Variants in MOCS1 observed in about 807,000 individuals in gnomAD.
MOCS1 encodes molybdenum cofactor biosynthesis protein 1.
Under a neutral mutation model 57.6 loss-of-function variants are expected in MOCS1, and 39 were observed. The observed-to-expected ratio is 0.68, with a 90% confidence interval of 0.52 to 0.88. MOCS1 has a LOEUF of 0.88. Ranked by LOEUF, MOCS1 falls within the 40% of genes least tolerant of loss-of-function variation. The pLI is 0.00. For missense variants in MOCS1, 795 were observed against 831.1 expected (o/e 0.96, Z 0.53); for synonymous variants, 334 against 335.7 (o/e 1.00, Z 0.05).
chr6:39,904,486 A>ATAAG lies in MOCS1; in HGVS notation c.*1867_*1870dup, dbSNP rs1554187208. ...TCCCCACTGCTCCTGCCACCTTTAG[A>ATAAG]TAAGTTTCTCTAGCTAATTTTGTGG... On this transcript the variant is annotated 3_prime_UTR_variant, in exon 11 of 11. Transcript: ENST00000340692. 2.2e-5 allele frequency: 10 copies of ATAAG among 454,486 alleles called. No individual in the cohort carries two copies. The highest frequency in any genetic ancestry group is 7.0e-5 in the Admixed American group (3 of 42,578). 28.2% of individuals were successfully genotyped at this position (454,486 alleles called of 1,614,324 possible). A position where few individuals can be genotyped will look rare whatever the true frequency, so the allele number is the denominator to read the frequency against.
intron 1 of MOCS1, among the ~76,000 whole-genome samples, chr6:39,928,067 A>C (rs2149422889): frequency 1.3e-5 from 2 of 151,878 alleles, no homozygotes; most frequent in Admixed American, 1.3e-4. Flanking sequence ...TCATTCCCAC[A>C]CCCACTCCAC....
chr6:39,906,627 G>T lies in MOCS1; in HGVS notation c.1641C>A (p.Thr547=). ...GGTGGCACAGAGGGATCAGCTGGCTGGTCACCTTGGCTGCCTGGACTCCAG... is the reference window on the plus strand; with the variant it reads ...GGTGGCACAGAGGGATCAGCTGGCTTGTCACCTTGGCTGCCTGGACTCCAG... The part of the protein sequence containing the change: ...QLAGVQAAKV[T]SQLIPLCHHV... Residue 547 remains threonine (T), a synonymous_variant, in exon 11 of 11, where the codon ACC becomes ACA. Coordinates refer to ENST00000340692, the MANE Select transcript of MOCS1 (RefSeq NM_001358530.2). 1 of 1,613,886 alleles carries T rather than the reference G, an allele frequency of 6.2e-7. No homozygotes were observed. Among genetic ancestry groups the T allele is most frequent in the Non-Finnish European group, 8.5e-7 (1 of 1,180,040 alleles).
At chr6:39,927,835 G>C (rs1490905120) in intron 1 of MOCS1, 1 of 1,104,646 alleles carries the variant, frequency 9.1e-7, no homozygotes, top group Admixed American at 3.2e-5. Flanking sequence ...AGAAGAGACT[G>C]CTGAAGGCCA....
chr6:39,927,049 A>G (rs1370180036), intron 2 of MOCS1: 2 of 397,262 alleles, frequency 5.0e-6, no homozygotes, highest in Non-Finnish European at 9.4e-6. Context: ...GGACCCCTGA[A>G]GAATGAGAGG....
At chr6:39,912,123 C>T in intron 8 of MOCS1, 141 bp downstream of exon 8, 1 of 721,344 alleles carries the variant, frequency 1.4e-6, no homozygotes, top group Non-Finnish European at 2.5e-6. Context: ...CCATCATGCC[C>T]CCAAACCTGA....
At chr6:39,908,617 C>T (rs1767101292) in intron 10 of MOCS1, among the ~76,000 whole-genome samples, 2 of 152,180 alleles carry the variant, frequency 1.3e-5, no homozygotes, top group South Asian at 2.1e-4. Context: ...AGACGTCTGG[C>T]CACACATCCA....
intron 4 of MOCS1, among the ~76,000 whole-genome samples, 170 bp downstream of exon 4, chr6:39,915,898 T>C (rs549090348): frequency 1.3e-5 from 2 of 152,164 alleles, no homozygotes; most frequent in Admixed American, 1.3e-4. Context: ...ACCCCCAAAG[T>C]CCCTGACATA....
At chr6:39,909,773 C>T (rs182249302) in intron 9 of MOCS1, 62 bp downstream of exon 9, 4 of 1,603,850 alleles carry the variant, frequency 2.5e-6, no homozygotes, top group African/African-American at 1.3e-5. Flanking sequence ...CAACTCCACA[C>T]CTCCCTCCCA....
intron 2 of MOCS1, among the ~76,000 whole-genome samples, chr6:39,926,089 A>C (rs1249925924): frequency 1.3e-5 from 2 of 152,196 alleles, no homozygotes; most frequent in African/African-American, 4.8e-5. Flanking sequence ...TGGCCATAAC[A>C]TCCCTCAGTG....
At chr6:39,934,256 T>G (rs763242242) in intron 1 of MOCS1, 39 bp downstream of exon 1, 1 of 1,511,294 alleles carries the variant, frequency 6.6e-7, no homozygotes. Context: ...GGGCCACTCC[T>G]GCCCCGGGAA....
chr6:39,927,225 A>G, intron 2 of MOCS1, 104 bp downstream of exon 2: 1 of 1,449,730 alleles, frequency 6.9e-7, no homozygotes, highest in Non-Finnish European at 9.5e-7. Flanking sequence ...GAAGTTAGAA[A>G]GCAGAACTGG....
chr6:39,916,394 C>T lies in MOCS1; in HGVS notation c.419-162G>A, dbSNP rs1192335013. ...CTAACTTAAAAAGAAAGCTAAGAATCAAAACTGACAAAAACAACCAAAAGA... is the reference window on the plus strand; with the variant it reads ...CTAACTTAAAAAGAAAGCTAAGAATTAAAACTGACAAAAACAACCAAAAGA... On this transcript the variant is annotated intron_variant, in intron 3 of 10. Transcript: ENST00000340692. Among the ~76,000 whole-genome samples the T allele has an allele frequency of 5.3e-5, 8 of 152,324 alleles. No individual in the cohort carries two copies. The East Asian group carries it at 1.5e-3, about 29-fold the overall frequency.
rs554596404 is a variant in MOCS1 at position 39,913,795 on chromosome 6, C to T, written c.624G>A (p.Glu208=). The T allele has an allele frequency of 6.2e-7, 1 of 1,614,190 alleles. No homozygotes were observed. Among genetic ancestry groups the T allele is most frequent in the Non-Finnish European group, 8.5e-7 (1 of 1,180,036 alleles). ...TCACCTTCACAGGGTTGTAGCCCAG[C>T]TCGATGGCCTTGTGGATGCCCTCCA... ...KVMEGIHKAI[E]LGYNPVKVNC... Residue 208 remains glutamate (E), a synonymous_variant, in exon 5 of 11, where the codon GAG becomes GAA. Coordinates refer to ENST00000340692, the MANE Select transcript of MOCS1 (RefSeq NM_001358530.2).
chr6:39,916,104 C>G lies in MOCS1; in HGVS notation c.547G>C (p.Val183Leu). ...ACAATGAACTCAAACTTGGCAGGCA[C>G]CAGGGTGTCCAGGCTGATGTTGATG... Reference protein sequence around the residue: ...SAINISLDTLVPAKFEFIVRR... With the variant: ...SAINISLDTLLPAKFEFIVRR... Residue 183 changes from valine to leucine, a missense_variant, in exon 4 of 11, where the codon GTG becomes CTG. This residue lies in a region of MOCS1 where 416 missense variants were observed against 392.4 expected (regional missense o/e 1.06). Transcript: ENST00000340692. The G allele has an allele frequency of 6.2e-7, 1 of 1,613,138 alleles. No homozygotes were observed. The highest frequency in any genetic ancestry group is 8.5e-7 in the Non-Finnish European group (1 of 1,179,706).
In MOCS1 at chr6:39,904,297, A is replaced by T. The variant is rs1176553920; in HGVS notation, c.*2060T>A. ...AGATATTTTTCTATTTATTTTCTAC[A>T]TCTGGCCAGTGGCTCTGGTGCTAGA... On this transcript the variant is annotated 3_prime_UTR_variant, in exon 11 of 11. Transcript: ENST00000340692. The T allele has an allele frequency of 2.2e-6, 1 of 456,752 alleles. No individual in the cohort carries two copies. The highest frequency in any genetic ancestry group is 2.0e-5 in the African/African-American group (1 of 50,222). 28.3% of individuals were successfully genotyped at this position (456,752 alleles called of 1,614,324 possible). A position where few individuals can be genotyped will look rare whatever the true frequency, so the allele number is the denominator to read the frequency against.
In MOCS1 at chr6:39,913,433, C is replaced by A. The variant is rs754482853; in HGVS notation, c.646-5G>T. The A allele has an allele frequency of 1.9e-6, 3 of 1,613,360 alleles. No individual in the cohort carries two copies. The highest frequency in any genetic ancestry group is 1.7e-6 in the Non-Finnish European group (2 of 1,179,300). ...TCGCATCACCACACAGTTCACCTGG[C>A]CGGGGAACAATGGGACCATGAGGGC... On this transcript the variant is annotated splice_region_variant and splice_polypyrimidine_tract_variant and intron_variant, in intron 5 of 10. Coordinates refer to ENST00000340692, the MANE Select transcript of MOCS1 (RefSeq NM_001358530.2).
intron 4 of MOCS1, 146 bp downstream of exon 4, chr6:39,915,922 T>C (rs1767630490): frequency 4.1e-6 from 4 of 986,624 alleles, no homozygotes; most frequent in East Asian, 2.6e-5. Context: ...TTGGCAAAGA[T>C]GAGGGGTGAG....
intron 4 of MOCS1, 89 bp from the exon 5 acceptor site, chr6:39,913,924 C>T: frequency 7.4e-7 from 1 of 1,352,014 alleles, no homozygotes; most frequent in Non-Finnish European, 1.1e-6. Flanking sequence ...CCCATCTAGT[C>T]TGGAGATTGG....
At chr6:39,912,406 G>A in intron 7 of MOCS1, 32 bp from the exon 8 acceptor site, 3 of 1,483,850 alleles carry the variant, frequency 2.0e-6, no homozygotes, top group Non-Finnish European at 2.8e-6. Flanking sequence ...CAAAAGGGCA[G>A]TGGAGGGGAT....
Sources: gnomAD v4.1 joint callset for allele counts (sites outside exome capture counted in the v4.1 genomes callset) on GRCh38, gnomAD v4.1.1 for gene constraint, gnomAD v4.1.1 regional missense constraint, MANE v1.5 for transcripts, NCBI Gene and HGNC (gene_info 2026-07-23, HGNC 2026-07-21) for gene names.